Variants in CPSF6 observed in about 807,000 individuals in gnomAD.
CPSF6 encodes the protein cleavage and polyadenylation specificity factor subunit 6.
Under a neutral mutation model 56.7 loss-of-function variants are expected in CPSF6, and 10 were observed. The observed-to-expected ratio is 0.18, with a 90% CI of 0.11 to 0.30. CPSF6 has a LOEUF of 0.30. Ranked by LOEUF, CPSF6 falls within the 10% of genes least tolerant of loss-of-function variation. The pLI, the probability that CPSF6 is intolerant of heterozygous loss-of-function variation, is 1.00. For synonymous variants in CPSF6, 248 were observed against 244.8 expected, an observed-to-expected ratio of 1.01 and a Z score of -0.12; for missense variants, 419 against 722.9, an observed-to-expected ratio of 0.58 and a Z score of 4.82.
At chr12:69,243,459 C>T (rs1871728254) in intron 1 of CPSF6, among the ~76,000 whole-genome samples, 1 of 152,146 alleles carries the variant, frequency 6.6e-6, no homozygotes, top group Admixed American at 6.5e-5. Flanking sequence ...CATTTCAAAC[C>T]TGGAAGGTAC....
At chr12:69,257,516 A>G (rs748402119) in intron 4 of CPSF6, among the ~76,000 whole-genome samples, 1 of 152,222 alleles carries the variant, frequency 6.6e-6, no homozygotes, top group African/African-American at 2.4e-5. Context: ...ACGATTACCT[A>G]TGGAAAATAT....
rs1056242083 is a variant in CPSF6 at position 69,258,232 on chromosome 12, A to G, written c.694+327A>G. On this transcript the variant is annotated intron_variant, in intron 5 of 9. Transcript: ENST00000435070. The surrounding 1 kb of genome is among the most constrained non-coding windows in gnomAD (Gnocchi z 4.2). ...TCTTACCTCTTAAAAAAATCCTTTC[A>G]AGATCATTTTTCCTTGTTTCACTTT... 2 of 808,824 alleles carry G rather than the reference A, an allele frequency of 2.5e-6. No individual in the cohort carries two copies. The highest frequency in any genetic ancestry group is 3.5e-5 in the African/African-American group (2 of 57,450). The allele number at this position is 808,824 out of a possible 1,614,324, so 50.1% of individuals were successfully genotyped here.
chr12:69,256,664 A>T, intron 3 of CPSF6, 33 bp from the exon 4 acceptor site: 1 of 1,577,180 alleles, frequency 6.3e-7, no homozygotes. Flanking sequence ...ATCTCTTTTT[A>T]CTTTGTATCC....
chr12:69,240,088 C>A (rs1291085179), intron 1 of CPSF6, among the ~76,000 whole-genome samples: 1 of 151,776 alleles, frequency 6.6e-6, no homozygotes, highest in Non-Finnish European at 1.5e-5. Context: ...GCCGCGCCCC[C>A]TCCCCCGTCG....
chr12:69,257,714 G>A lies in CPSF6; in HGVS notation c.521-18G>A. ...TATTTTTAATAAGTGCTATTTATGA[G>A]TATTTGGATATTTGCAGCTACACAA... On this transcript the variant is annotated intron_variant, in intron 4 of 9. Transcript: ENST00000435070. 1.2e-6 allele frequency: 2 copies of A among 1,600,160 alleles called. No homozygotes were observed. Among genetic ancestry groups the A allele is most frequent in the South Asian group, 1.1e-5 (1 of 88,134 alleles).
intron 2 of CPSF6, among the ~76,000 whole-genome samples, chr12:69,251,633 G>A (rs1457332443): frequency 1.3e-5 from 2 of 151,986 alleles, no homozygotes; most frequent in East Asian, 1.9e-4. Flanking sequence ...CCTTGCTTCC[G>A]ATAGCCCAGT....
intron 7 of CPSF6, 91 bp downstream of exon 7, chr12:69,259,634 A>G (rs1872661233): frequency 2.9e-6 from 3 of 1,049,696 alleles, no homozygotes; most frequent in Middle Eastern, 2.1e-4. Flanking sequence ...GGTCATTTAC[A>G]TGTAGTAGTT....
At chr12:69,267,253 A>G (rs1266952217) in intron 9 of CPSF6, among the ~76,000 whole-genome samples, 1 of 152,074 alleles carries the variant, frequency 6.6e-6, no homozygotes, top group Admixed American at 6.5e-5. Flanking sequence ...AAATGTGCAT[A>G]GATAAATTTC....
chr12:69,245,330 T>C (rs1871842065), intron 1 of CPSF6, among the ~76,000 whole-genome samples: 1 of 152,182 alleles, frequency 6.6e-6, no homozygotes, highest in African/African-American at 2.4e-5. Context: ...TCCATTATAA[T>C]CTGACCACCT....
Position 69,269,867 on chromosome 12 carries a change from A to T in CPSF6, c.*359A>T, listed in dbSNP as rs1474694687. ...TAGTTTGTTCTTGTTAAAAATGTTTATATGATAATGTCTGTAAACAGCATC... is the reference window on the plus strand; with the variant it reads ...TAGTTTGTTCTTGTTAAAAATGTTTTTATGATAATGTCTGTAAACAGCATC... On this transcript the variant is annotated 3_prime_UTR_variant, in exon 10 of 10. Transcript: ENST00000435070. 1 of 183,154 alleles carries T rather than the reference A, an allele frequency of 5.5e-6. No individual in the cohort carries two copies. The highest frequency in any genetic ancestry group is 1.2e-5 in the Non-Finnish European group (1 of 86,688). 11.3% of individuals were successfully genotyped at this position (183,154 alleles called of 1,614,324 possible). A position where few individuals can be genotyped will look rare whatever the true frequency, so the allele number is the denominator to read the frequency against.
intron 1 of CPSF6, among the ~76,000 whole-genome samples, chr12:69,242,332 T>C (rs1871668024): frequency 6.6e-6 from 1 of 152,074 alleles, no homozygotes; most frequent in African/African-American, 2.4e-5. Flanking sequence ...TCTTCTATTT[T>C]AAATGTCATA....
At chr12:69,250,422 T>G (rs978262846) in intron 1 of CPSF6, among the ~76,000 whole-genome samples, 1 of 151,720 alleles carries the variant, frequency 6.6e-6, no homozygotes, top group Non-Finnish European at 1.5e-5. Flanking sequence ...AGAACTTATT[T>G]TTTATATTAT....
chr12:69,257,602 T>C lies in CPSF6; in HGVS notation c.521-130T>C, dbSNP rs541706765. On this transcript the variant is annotated intron_variant, in intron 4 of 9. Coordinates refer to ENST00000435070, the MANE Select transcript of CPSF6 (RefSeq NM_007007.3). ...TGTTTTCCTAAACCATACTTTCTTA[T>C]GTAGTTTGCATAGGCACAAGGCATT... The C allele has an allele frequency of 9.8e-5, 75 of 764,292 alleles. No individual in the cohort carries two copies. In the East Asian group the frequency reaches 1.7e-3, roughly 18 times the overall value. 47.3% of individuals were successfully genotyped at this position (764,292 alleles called of 1,614,324 possible). A position where few individuals can be genotyped will look rare whatever the true frequency, so the allele number is the denominator to read the frequency against.
rs142207779 is a variant in CPSF6 at position 69,267,653 on chromosome 12, C to T, written c.*4-1859C>T. ...AAATGGGTTGTATTGCCTTCAAATTCACTTTCGTTTAAGACTGTAAAATTT... is the reference window on the plus strand; with the variant it reads ...AAATGGGTTGTATTGCCTTCAAATTTACTTTCGTTTAAGACTGTAAAATTT... On this transcript the variant is annotated intron_variant, in intron 9 of 9. Coordinates refer to ENST00000435070, the MANE Select transcript of CPSF6 (RefSeq NM_007007.3). Among the ~76,000 whole-genome samples, 198 of 151,916 alleles carry T rather than the reference C, an allele frequency of 1.3e-3. 1 individual carries two copies. Among genetic ancestry groups the T allele is most frequent in the Non-Finnish European group, 2.7e-3 (180 of 67,778 alleles).
chr12:69,241,439 T>C (rs2120399156), intron 1 of CPSF6, among the ~76,000 whole-genome samples: 1 of 152,360 alleles, frequency 6.6e-6, no homozygotes, highest in East Asian at 1.9e-4. Context: ...TGTTCAAGAC[T>C]GCCTTTATTA....
chr12:69,272,651 T>C lies in CPSF6; in HGVS notation c.*3143T>C, dbSNP rs1873298384. On this transcript the variant is annotated 3_prime_UTR_variant, in exon 10 of 10. Transcript: ENST00000435070. Reference sequence around the variant, plus strand: ...CTTAAGAGGAAGTTTATGTTCTAATTCTTGACTGAGAATACAGTATTGAGA... The same window carrying C: ...CTTAAGAGGAAGTTTATGTTCTAATCCTTGACTGAGAATACAGTATTGAGA... The C allele has an allele frequency of 6.6e-6, 1 of 151,800 alleles. No homozygotes were observed. Among genetic ancestry groups the C allele is most frequent in the Non-Finnish European group, 1.5e-5 (1 of 67,714 alleles). The allele number at this position is 151,800 out of a possible 1,614,324, so 9.4% of individuals were successfully genotyped here. A position where few individuals can be genotyped will look rare whatever the true frequency, so the allele number is the denominator to read the frequency against.
rs1446854606 is a variant in CPSF6 at position 69,270,905 on chromosome 12, T to G, written c.*1397T>G. The G allele has an allele frequency of 6.6e-6, 1 of 151,834 alleles. No individual in the cohort carries two copies. The highest frequency in any genetic ancestry group is 1.5e-5 in the Non-Finnish European group (1 of 67,726). 9.4% of individuals were successfully genotyped at this position (151,834 alleles called of 1,614,324 possible). On this transcript the variant is annotated 3_prime_UTR_variant, in exon 10 of 10. Coordinates refer to ENST00000435070, the MANE Select transcript of CPSF6 (RefSeq NM_007007.3). ...AGCACGTTAATATGTTTTTAAGATC[T>G]GATTATCTTTGAGAGATCTTCTGTT... is the stretch of plus-strand genomic sequence containing the variant.
Position 69,248,131 on chromosome 12 carries a change from TAGTA to T in CPSF6, c.61-2994_61-2991del, listed in dbSNP as rs533085732. On this transcript the variant is annotated intron_variant, in intron 1 of 9. Transcript: ENST00000435070. ...ATAGGAATTCATGGATGGACAAAAA[TAGTA>T]AGTGATTGTGATATACCAGGTTAGT... is the stretch of plus-strand genomic sequence containing the variant. Among the ~76,000 whole-genome samples the T allele has an allele frequency of 1.2e-4, 18 of 152,336 alleles. No homozygotes were observed. In the South Asian group the frequency reaches 3.1e-3, roughly 26 times the overall value.
intron 9 of CPSF6, among the ~76,000 whole-genome samples, chr12:69,267,838 A>G (rs1042121490): frequency 1.3e-5 from 2 of 151,862 alleles, no homozygotes; most frequent in Non-Finnish European, 3.0e-5. Context: ...TAGTCCTGGG[A>G]AAAGATGTGT....
Sources: gnomAD v4.1 joint callset for allele counts (sites outside exome capture counted in the v4.1 genomes callset) on GRCh38, gnomAD v4.1.1 for gene constraint, Gnocchi (gnomAD v3.1) non-coding constraint, MANE v1.5 for transcripts, NCBI Gene and HGNC (gene_info 2026-07-23, HGNC 2026-07-21) for gene names.